SLC44A5: variants seen among roughly 807,000 people sequenced by gnomAD.
SLC44A5 encodes the protein solute carrier family 44 member 5, also known as choline transporter-like protein 5.
In SLC44A5, 57 loss-of-function variants were observed where a neutral mutation model predicts 101.8. The ratio of observed to expected loss-of-function variants is 0.56; its 90% CI spans 0.45 to 0.70. SLC44A5 has a LOEUF of 0.70. Ranked by LOEUF, SLC44A5 falls within the 30% of genes least tolerant of loss-of-function variation. The pLI, the probability that SLC44A5 is intolerant of heterozygous loss-of-function variation, is 0.00. For synonymous variants in SLC44A5, 281 were observed against 290.9 expected (o/e 0.97, Z 0.35); for missense variants, 737 against 853.1 (o/e 0.86, Z 1.70).
intron 2 of SLC44A5, among the ~76,000 whole-genome samples, chr1:75,492,423 T>C (rs532708868): frequency 1.3e-5 from 2 of 152,270 alleles, no homozygotes; most frequent in Admixed American, 6.5e-5. Flanking sequence ...TGACAATATC[T>C]GGCAAAAAGG....
intron 3 of SLC44A5, among the ~76,000 whole-genome samples, chr1:75,361,552 A>G (rs1659490507): frequency 6.6e-6 from 1 of 152,068 alleles, no homozygotes; most frequent in African/African-American, 2.4e-5. Context: ...AGTTTTTATC[A>G]TAATAGGGTG....
At chr1:75,457,258 A>C (rs1375244225) in intron 2 of SLC44A5, among the ~76,000 whole-genome samples, 1 of 152,228 alleles carries the variant, frequency 6.6e-6, no homozygotes, top group African/African-American at 2.4e-5. Flanking sequence ...ACAGTGATAG[A>C]CACCAGAAGT....
intron 4 of SLC44A5, among the ~76,000 whole-genome samples, chr1:75,314,489 TG>T (rs1655544124): frequency 6.6e-6 from 1 of 152,138 alleles, no homozygotes; most frequent in East Asian, 1.9e-4. Context: ...TGTGCCAAAG[TG>T]TGTGGAGAAG....
chr1:75,463,990 A>G (rs1254704919), intron 2 of SLC44A5, among the ~76,000 whole-genome samples: 1 of 152,154 alleles, frequency 6.6e-6, no homozygotes, highest in Non-Finnish European at 1.5e-5. Context: ...TGAGAGGCCA[A>G]GGCAGGAGGT....
At position 75,326,753 on chromosome 1, in the gene SLC44A5, T is replaced by A. The variant is rs569748643; in HGVS notation, c.101+12829A>T. Among the ~76,000 whole-genome samples, 145 of 152,282 alleles carry A rather than the reference T, an allele frequency of 9.5e-4. 2 individuals carry two copies. Among genetic ancestry groups the A allele is most frequent in the African/African-American group, 3.4e-3 (143 of 41,568 alleles). On this transcript the variant is annotated intron_variant, in intron 4 of 23. Transcript: ENST00000370859. ...AGAGATGGAGTTTCATTTCCTCTTT[T>A]ATTGAACAGTAGAAAATTAAATTAT...
intron 2 of SLC44A5, among the ~76,000 whole-genome samples, chr1:75,528,903 T>C (rs1302841754): frequency 1.3e-5 from 2 of 152,212 alleles, no homozygotes; most frequent in East Asian, 3.8e-4. Flanking sequence ...CTATTGCTTA[T>C]TCATCTTTCA....
At chr1:75,571,524 C>A (rs959517268) in intron 1 of SLC44A5, among the ~76,000 whole-genome samples, 13 of 152,020 alleles carry the variant, frequency 8.6e-5, no homozygotes, top group Non-Finnish European at 1.5e-4. Flanking sequence ...ACCCATATAA[C>A]CATTCTGGTT....
chr1:75,454,294 AAAT>A (rs930003028), intron 2 of SLC44A5, among the ~76,000 whole-genome samples: 4 of 152,142 alleles, frequency 2.6e-5, no homozygotes, highest in Non-Finnish European at 1.5e-5. Flanking sequence ...TTAAAAATAA[AAAT>A]AACATATGGT....
chr1:75,263,333 C>T (rs1270897280), intron 6 of SLC44A5, among the ~76,000 whole-genome samples: 1 of 152,166 alleles, frequency 6.6e-6, no homozygotes, highest in African/African-American at 2.4e-5. Flanking sequence ...TATGAACAGA[C>T]ACTTCTTAGA....
At chr1:75,551,268 T>C (rs1426260365) in intron 1 of SLC44A5, among the ~76,000 whole-genome samples, 1 of 152,150 alleles carries the variant, frequency 6.6e-6, no homozygotes, top group East Asian at 1.9e-4. Context: ...CTCAGATATA[T>C]TGACAGGGAG....
chr1:75,250,866 G>A (rs939539291), intron 7 of SLC44A5, among the ~76,000 whole-genome samples: 11 of 152,106 alleles, frequency 7.2e-5, no homozygotes, highest in African/African-American at 2.4e-4. Context: ...ACTGAAAAAC[G>A]TGGTTTGTTA....
intron 2 of SLC44A5, among the ~76,000 whole-genome samples, chr1:75,507,848 C>G (rs867676899): frequency 6.6e-6 from 1 of 152,132 alleles, no homozygotes; most frequent in African/African-American, 2.4e-5. Flanking sequence ...AGAGTACCCA[C>G]TCAACATTGG....
the SLC44A5 span, among the ~76,000 whole-genome samples, chr1:75,646,812 T>C: frequency 6.6e-6 from 1 of 152,180 alleles, no homozygotes; most frequent in Non-Finnish European, 1.5e-5. Flanking sequence ...TCTGTGGAAC[T>C]TTGAACTTGA....
the SLC44A5 span, among the ~76,000 whole-genome samples, chr1:75,705,144 G>C: frequency 2.6e-5 from 4 of 152,066 alleles, no homozygotes; most frequent in African/African-American, 7.2e-5. Flanking sequence ...TGAATTTTTG[G>C]ATGTTGGATC....
chr1:75,462,462 T>G (rs1226647459), intron 2 of SLC44A5, among the ~76,000 whole-genome samples: 1 of 152,044 alleles, frequency 6.6e-6, no homozygotes, highest in East Asian at 1.9e-4. Context: ...TACTTAACTC[T>G]TCAATGCCCA....
At chr1:75,227,615 C>T in intron 13 of SLC44A5, 111 bp downstream of exon 13, 4 of 754,852 alleles carry the variant, frequency 5.3e-6, no homozygotes, top group Non-Finnish European at 7.9e-6. Context: ...CTTTTTATGA[C>T]ACTAGTGATA....
chr1:75,529,759 T>A (rs113465263), intron 2 of SLC44A5, among the ~76,000 whole-genome samples: 2 of 152,292 alleles, frequency 1.3e-5, no homozygotes, highest in African/African-American at 4.8e-5. Flanking sequence ...TAGAGAAAAG[T>A]GGCTCAAAGC....
At chr1:75,372,661 G>A (rs1393329388) in intron 3 of SLC44A5, among the ~76,000 whole-genome samples, 1 of 152,138 alleles carries the variant, frequency 6.6e-6, no homozygotes, top group African/African-American at 2.4e-5. Flanking sequence ...AACCTTCAGA[G>A]AAGTTATTAA....
the SLC44A5 span, among the ~76,000 whole-genome samples, chr1:75,675,266 T>C: frequency 6.6e-6 from 1 of 152,224 alleles, no homozygotes; most frequent in Admixed American, 6.5e-5. Context: ...TTTTCATTTG[T>C]TGTGTCTTCT....
Sources: allele counts gnomAD v4.1 joint callset (sites outside exome capture counted in the v4.1 genomes callset), GRCh38; gene constraint gnomAD v4.1.1; transcripts MANE v1.5; gene names NCBI Gene and HGNC (gene_info 2026-07-23, HGNC 2026-07-21).